NEK8: variants seen among roughly 807,000 people sequenced by gnomAD.
NEK8 encodes the protein NIMA related kinase 8.
In NEK8, 51 loss-of-function variants were observed where a neutral mutation model predicts 77.2. The observed-to-expected ratio is 0.66, with a 90% confidence interval of 0.53 to 0.83. The LOEUF (loss-of-function observed/expected upper bound fraction) is 0.83. NEK8 is among the 40% of genes least tolerant of loss of function. The pLI is 0.00. For missense variants in NEK8, 787 were observed against 909.2 expected (o/e 0.87, Z 1.73); for synonymous variants, 365 against 363.2 (o/e 1.00, Z -0.06).
Position 28,737,241 on chromosome 17 carries a change from C to G in NEK8, c.619-65C>G, listed in dbSNP as rs2034373610. 1 of 1,509,296 alleles carries G rather than the reference C, an allele frequency of 6.6e-7. No individual in the cohort carries two copies. The highest frequency in any genetic ancestry group is 2.0e-5 in the Admixed American group (1 of 51,098). The allele number at this position is 1,509,296 out of a possible 1,614,324, so 93.5% of individuals were successfully genotyped here. On this transcript the variant is annotated intron_variant, in intron 4 of 14. Coordinates refer to ENST00000268766, the MANE Select transcript of NEK8 (RefSeq NM_178170.3). This position sits in a 1 kb window ranked among gnomAD's most constrained non-coding sequence, Gnocchi z 4.8. ...GCAAAGCTGTTATTATCCCAGGAGA[C>G]CAGGGGCTGGAGCTGGGGGGTGCTG...
chr17:28,735,179 A>G (rs917763885), intron 3 of NEK8, 61 bp from the exon 4 acceptor site: 1 of 1,608,100 alleles, frequency 6.2e-7, no homozygotes, highest in Non-Finnish European at 8.5e-7. Context: ...AAATGGGCTT[A>G]TGCACAGAGC....
rs1443838418 is a variant in NEK8 at position 28,735,340 on chromosome 17, T to A, written c.587T>A (p.Leu196Gln). 1 of 1,613,944 alleles carries A rather than the reference T, an allele frequency of 6.2e-7. No homozygotes were observed. The highest frequency in any genetic ancestry group is 8.5e-7 in the Non-Finnish European group (1 of 1,179,958). ...IWALGCVLYE[L>Q]ASLKRAFEAA... ...GCCCTGGGCTGTGTCCTCTACGAGC[T>A]GGCCAGCCTCAAGAGGGCTTTCGAG... is the stretch of plus-strand genomic sequence containing the variant. The change falls in exon 4 of 15, where the codon CTG (leucine) becomes CAG (glutamine). Residue 196 changes from leucine (L) to glutamine (Q), a missense_variant. By Grantham distance (113) the Leu-to-Gln change is moderately radical. Coordinates refer to ENST00000268766, the MANE Select transcript of NEK8 (RefSeq NM_178170.3).
intron 1 of NEK8, chr17:28,733,068 G>A (rs1345827548): frequency 6.9e-6 from 1 of 145,604 alleles, no homozygotes; most frequent in Non-Finnish European, 1.5e-5. Context: ...TTTTGCGAGA[G>A]TGGGTTTCAC....
At chr17:28,730,752 C>CA (rs1288164537) in intron 1 of NEK8, among the ~76,000 whole-genome samples, 1 of 151,168 alleles carries the variant, frequency 6.6e-6, no homozygotes, top group Non-Finnish European at 1.5e-5. Flanking sequence ...CCCCTGTCTA[C>CA]AAAAAAATAA....
rs1161223749 is a variant in NEK8 at position 28,738,176 on chromosome 17, C to T, written c.1153C>T (p.Leu385=). 1.2e-5 allele frequency: 20 copies of T among 1,614,176 alleles called. No individual in the cohort carries two copies. Among genetic ancestry groups the T allele is most frequent in the Admixed American group, 3.3e-5 (2 of 60,034 alleles). Residue 385 remains leucine, a synonymous_variant, in exon 8 of 15, where the codon CTG becomes TTG. Transcript: ENST00000268766. ...ACAGCCCCAGTTCATCTCGCGTTTC[C>T]TGGAGGGCCAGTCGGGTGTGACCAT... ...QPQPQFISRF[L]EGQSGVTIKH...
chr17:28,734,206 C>A lies in NEK8; in HGVS notation c.253+18C>A. ...TGCACCAGGTGGGCCAGCCTCCTTACAGTGGCCTGGCTGGAGGGCCTCTTA... is the reference window on the plus strand; with the variant it reads ...TGCACCAGGTGGGCCAGCCTCCTTAAAGTGGCCTGGCTGGAGGGCCTCTTA... On this transcript the variant is annotated intron_variant, in intron 2 of 14. Transcript: ENST00000268766. 6.2e-7 allele frequency: 1 copy of A among 1,609,398 alleles called. No individual in the cohort carries two copies. The highest frequency in any genetic ancestry group is 8.5e-7 in the Non-Finnish European group (1 of 1,175,590).
chr17:28,738,578 T>G (rs1362985206), intron 8 of NEK8, 93 bp from the exon 9 acceptor site: 2 of 1,133,080 alleles, frequency 1.8e-6, no homozygotes, highest in Non-Finnish European at 2.7e-6. Flanking sequence ...TCCCCAACTT[T>G]ATTTTGCTGC....
Position 28,737,210 on chromosome 17 carries a change from C to T in NEK8, c.619-96C>T, listed in dbSNP as rs2034373114. The T allele has an allele frequency of 7.6e-7, 1 of 1,320,398 alleles. No individual in the cohort carries two copies. The highest frequency in any genetic ancestry group is 1.5e-5 in the African/African-American group (1 of 68,900). The allele number at this position is 1,320,398 out of a possible 1,614,324, so 81.8% of individuals were successfully genotyped here. A position where few individuals can be genotyped will look rare whatever the true frequency, so the allele number is the denominator to read the frequency against. ...AGTTTGAAGTCAGGTAGCATGATGC[C>T]TCCAGGCAAAGCTGTTATTATCCCA... On this transcript the variant is annotated intron_variant, in intron 4 of 14. Transcript: ENST00000268766. This position sits in a 1 kb window ranked among gnomAD's most constrained non-coding sequence, Gnocchi z 4.8.
In NEK8 at chr17:28,734,878, C is replaced by T. The variant is rs754000914; in HGVS notation, c.360C>T (p.His120=). The change falls in exon 3 of 15, where the codon CAC becomes CAT. Residue 120 remains histidine, a synonymous_variant. Coordinates refer to ENST00000268766, the MANE Select transcript of NEK8 (RefSeq NM_178170.3). ...VQILLALHHV[H]THLILHRDLK... ...TCCTGCTTGCACTGCATCATGTGCA[C>T]ACCCACCTCATCCTGCACCGAGACC... 17 of 1,613,310 alleles carry T rather than the reference C, an allele frequency of 1.1e-5. No homozygotes were observed. The highest frequency in any genetic ancestry group is 1.4e-5 in the Non-Finnish European group (17 of 1,179,624).
At chr17:28,735,042 G>C in intron 3 of NEK8, 38 bp downstream of exon 3, 2 of 1,554,524 alleles carry the variant, frequency 1.3e-6, no homozygotes, top group South Asian at 2.2e-5. Context: ...GGCACTAGAA[G>C]TCTTGAGGGC....
Position 28,742,014 on chromosome 17 carries a change from C to T in NEK8, c.*27C>T, listed in dbSNP as rs776616457. The T allele has an allele frequency of 3.1e-6, 5 of 1,610,350 alleles. No homozygotes were observed. The highest frequency in any genetic ancestry group is 4.2e-6 in the Non-Finnish European group (5 of 1,176,602). On this transcript the variant is annotated 3_prime_UTR_variant, in exon 15 of 15. Coordinates refer to ENST00000268766, the MANE Select transcript of NEK8 (RefSeq NM_178170.3). Reference sequence around the variant, plus strand: ...GCACCCGGATTCACCTCTGGACCACCCTGATATTGCTTCTCCTCTGAATGC... The same window carrying T: ...GCACCCGGATTCACCTCTGGACCACTCTGATATTGCTTCTCCTCTGAATGC...
chr17:28,737,864 C>T lies in NEK8; in HGVS notation c.935C>T (p.Ser312Leu), dbSNP rs200212844. The change falls in exon 7 of 15, where the codon TCG becomes TTG. Residue 312 changes from serine to leucine, a missense_variant. Physicochemically the swap from Ser to Leu is moderately radical, Grantham distance 145 (BLOSUM62 -2). Coordinates refer to ENST00000268766, the MANE Select transcript of NEK8 (RefSeq NM_178170.3). This position sits in a 1 kb window ranked among gnomAD's most constrained non-coding sequence, Gnocchi z 4.8. ...PVRPAIPPPL[S>L]SVYAWGGGLG... ...AGGCCAGCCATCCCACCACCACTGT[C>T]GTCAGTGTATGCCTGGGGTGGTGGG... The T allele has an allele frequency of 6.6e-5, 106 of 1,613,968 alleles. 1 individual carries two copies. The highest frequency in any genetic ancestry group is 8.8e-5 in the South Asian group (8 of 91,084).
chr17:28,737,557 G>A lies in NEK8; in HGVS notation c.827+43G>A. On this transcript the variant is annotated intron_variant, in intron 5 of 14. Coordinates refer to ENST00000268766, the MANE Select transcript of NEK8 (RefSeq NM_178170.3). The surrounding 1 kb of genome is among the most constrained non-coding windows in gnomAD (Gnocchi z 4.8). The stretch of plus-strand genomic sequence containing the variant: ...GAGCGGTCCTGGGCGGCAGGGTGTG[G>A]GCACCCAGTGGGAGCACAGGAGGTC... 1.2e-6 allele frequency: 2 copies of A among 1,612,708 alleles called. No homozygotes were observed. Among genetic ancestry groups the A allele is most frequent in the Non-Finnish European group, 1.7e-6 (2 of 1,179,426 alleles).
chr17:28,737,758 G>T lies in NEK8; in HGVS notation c.889+22G>T, dbSNP rs377603024. 1 of 1,614,124 alleles carries T rather than the reference G, an allele frequency of 6.2e-7. No individual in the cohort carries two copies. Among genetic ancestry groups the T allele is most frequent in the African/African-American group, 1.3e-5 (1 of 75,038 alleles). On this transcript the variant is annotated intron_variant, in intron 6 of 14. Transcript: ENST00000268766. The surrounding 1 kb of genome is among the most constrained non-coding windows in gnomAD (Gnocchi z 4.8). ...AGAGGTAAGTGGGAAGAGGCCGCCA[G>T]TCCCCATGGATGCCACACCATTCCC...
chr17:28,739,953 A>G (rs1209727274), intron 10 of NEK8, among the ~76,000 whole-genome samples: 2 of 152,154 alleles, frequency 1.3e-5, no homozygotes, highest in African/African-American at 4.8e-5. Context: ...AGTAATGTCA[A>G]CTGGAGGAGA....
rs1286425949 is a variant in NEK8 at position 28,742,011 on chromosome 17, C to T, written c.*24C>T. 1 of 1,611,406 alleles carries T rather than the reference C, an allele frequency of 6.2e-7. No individual in the cohort carries two copies. Among genetic ancestry groups the T allele is most frequent in the Non-Finnish European group, 8.5e-7 (1 of 1,177,690 alleles). On this transcript the variant is annotated 3_prime_UTR_variant, in exon 15 of 15. Transcript: ENST00000268766. ...GAGGCACCCGGATTCACCTCTGGAC[C>T]ACCCTGATATTGCTTCTCCTCTGAA...
intron 1 of NEK8, among the ~76,000 whole-genome samples, chr17:28,733,750 A>C (rs942027816): frequency 6.6e-6 from 1 of 152,224 alleles, no homozygotes; most frequent in African/African-American, 2.4e-5. Context: ...GTCTGTGGGA[A>C]CTTAGAGATC....
Position 28,735,073 on chromosome 17 carries a change from T to C in NEK8, c.486+69T>C. 2.0e-6 allele frequency: 3 copies of C among 1,502,922 alleles called. No homozygotes were observed. The South Asian group carries it at 3.4e-5, about 17-fold the overall frequency. 93.1% of individuals were successfully genotyped at this position (1,502,922 alleles called of 1,614,324 possible). On this transcript the variant is annotated intron_variant, in intron 3 of 14. Coordinates refer to ENST00000268766, the MANE Select transcript of NEK8 (RefSeq NM_178170.3). ...AGGGCCAGGACCTAACCCTGCCTCC[T>C]CCCCTCCCCCTAAAAAACCCTTGGC... is the stretch of plus-strand genomic sequence containing the variant.
rs747554516 is a variant in NEK8 at position 28,741,230 on chromosome 17, G to C, written c.1885G>C (p.Gly629Arg). ...ACGDAFTVAI[G>R]AESEVYSWGK... ...TGGGGATGCCTTCACTGTAGCTATT[G>C]GGGCAGGTGAGGACTGAGCATGGTG... is the stretch of plus-strand genomic sequence containing the variant. The change falls in exon 13 of 15, where the codon GGG becomes CGG. Residue 629 changes from glycine to arginine, a missense_variant. Coordinates refer to ENST00000268766, the MANE Select transcript of NEK8 (RefSeq NM_178170.3). This position sits in a 1 kb window ranked among gnomAD's most constrained non-coding sequence, Gnocchi z 4.5. The C allele has an allele frequency of 6.2e-7, 1 of 1,607,490 alleles. No homozygotes were observed.
Sources: gnomAD v4.1 joint callset for allele counts (sites outside exome capture counted in the v4.1 genomes callset) on GRCh38, gnomAD v4.1.1 for gene constraint, Gnocchi (gnomAD v3.1) non-coding constraint, MANE v1.5 for transcripts, NCBI Gene and HGNC (gene_info 2026-07-23, HGNC 2026-07-21) for gene names.